Variants in COL21A1 observed in about 807,000 individuals in gnomAD.
The protein encoded by COL21A1 is collagen alpha-1(XXI) chain.
Under a neutral mutation model 137.9 loss-of-function variants are expected in COL21A1, and 149 were observed. That is an observed-to-expected ratio of 1.08 (90% CI 0.95 to 1.24). The LOEUF (loss-of-function observed/expected upper bound fraction) is 1.24, where lower values mean the gene tolerates loss of function less well. Among genes scored for constraint, COL21A1 ranks in the 50% most tolerant of loss-of-function variants. The pLI, the probability that COL21A1 is intolerant of heterozygous loss-of-function variation, is 0.00. For synonymous variants in COL21A1, 456 were observed against 391.5 expected, an observed-to-expected ratio of 1.16 and a Z score of -1.95; for missense variants, 1,167 against 1,158.4, an observed-to-expected ratio of 1.01 and a Z score of -0.11.
In COL21A1 at chr6:56,155,614, CATTTT is replaced by C. The variant is rs372226158; in HGVS notation, c.1434+1268_1434+1272del. 1.2e-3 allele frequency among the ~76,000 whole-genome samples: 188 copies of C among 152,234 alleles called. 3 individuals are homozygous for C. The highest frequency in any genetic ancestry group is 4.2e-3 in the African/African-American group (176 of 41,550). ...AAACATTCAAAAGCTAATTCCTTTT[CATTTT>C]ATTTTGAGACAGACTTTTGTGCTGT... On this transcript the variant is annotated intron_variant, in intron 10 of 29. Coordinates refer to ENST00000244728, the MANE Select transcript of COL21A1 (RefSeq NM_030820.4).
At chr6:56,365,859 A>G (rs1032540516) in intron 1 of COL21A1, among the ~76,000 whole-genome samples, 1 of 152,148 alleles carries the variant, frequency 6.6e-6, no homozygotes, top group African/African-American at 2.4e-5. Flanking sequence ...TCCTTTCACT[A>G]TAGCCCCTTA....
At chr6:56,314,390 CT>C (rs760602559) in intron 1 of COL21A1, among the ~76,000 whole-genome samples, 29 of 152,294 alleles carry the variant, frequency 1.9e-4, no homozygotes, top group African/African-American at 6.7e-4. Flanking sequence ...AGATGTCACA[CT>C]TTTTTTCTTG....
intron 3 of COL21A1, among the ~76,000 whole-genome samples, chr6:56,176,655 G>A (rs539976159): frequency 2.8e-4 from 42 of 151,082 alleles, no homozygotes; most frequent in Non-Finnish European, 4.4e-4. Flanking sequence ...GAGGAAGAAA[G>A]GAAGGAAGGA....
intron 1 of COL21A1, among the ~76,000 whole-genome samples, chr6:56,351,606 T>G (rs1164966411): frequency 6.6e-6 from 1 of 152,166 alleles, no homozygotes; most frequent in South Asian, 2.1e-4. Context: ...CACATGTGTA[T>G]AATGCACCCA....
At chr6:56,352,345 A>G (rs550888110) in intron 1 of COL21A1, among the ~76,000 whole-genome samples, 40 of 152,240 alleles carry the variant, frequency 2.6e-4, no homozygotes, top group African/African-American at 9.6e-4. Context: ...AGAAGAATGG[A>G]GAGTAAATCT....
At chr6:56,077,351 T>C (rs753399574) in intron 18 of COL21A1, among the ~76,000 whole-genome samples, 178 bp downstream of exon 18, 116 of 151,342 alleles carry the variant, frequency 7.7e-4, no homozygotes, top group Non-Finnish European at 1.2e-3. Context: ...ATATTATCTA[T>C]ATAAAACAAC....
chr6:56,251,595 G>A (rs1782856363), upstream of COL21A1, among the ~76,000 whole-genome samples: 1 of 152,116 alleles, frequency 6.6e-6, no homozygotes, highest in African/African-American at 2.4e-5. Flanking sequence ...GTGAAAAAAT[G>A]GGAAATATTT....
intron 1 of COL21A1, among the ~76,000 whole-genome samples, chr6:56,376,109 A>ACG (rs1562077602): frequency 8.5e-5 from 13 of 152,236 alleles, no homozygotes; most frequent in Non-Finnish European, 1.9e-4. Context: ...AAGAAGTGGG[A>ACG]TAAAACAAGT....
chr6:56,134,200 CA>C (rs1428646287), intron 12 of COL21A1, among the ~76,000 whole-genome samples: 1 of 152,190 alleles, frequency 6.6e-6, no homozygotes, highest in Non-Finnish European at 1.5e-5. Flanking sequence ...CAGAGCTGCC[CA>C]AGACCATGGG....
intron 1 of COL21A1, among the ~76,000 whole-genome samples, chr6:56,205,664 A>G (rs1414674400): frequency 6.6e-6 from 1 of 152,124 alleles, no homozygotes; most frequent in Non-Finnish European, 1.5e-5. Flanking sequence ...GAGAAGAGAA[A>G]CCCCAGGACA....
intron 1 of COL21A1, among the ~76,000 whole-genome samples, chr6:56,364,006 C>G (rs1450080743): frequency 2.0e-5 from 3 of 152,196 alleles, no homozygotes; most frequent in Non-Finnish European, 4.4e-5. Context: ...CTGACATAAT[C>G]AGCAAGCGTT....
chr6:56,276,542 T>G, intron 1 of COL21A1: 1 of 1,303,202 alleles, frequency 7.7e-7, no homozygotes, highest in South Asian at 1.2e-5. Flanking sequence ...ATTCTTCTTA[T>G]ATACTTCAAA....
intron 1 of COL21A1, among the ~76,000 whole-genome samples, chr6:56,357,361 T>G (rs73450950): frequency 0.12 from 18,663 of 152,082 alleles, 1,463 homozygotes; most frequent in African/African-American, 0.22. Context: ...TCCGTAAGAG[T>G]GTAGCTGCAT....
At chr6:56,160,575 T>C (rs1436594541) in intron 9 of COL21A1, among the ~76,000 whole-genome samples, 1 of 152,258 alleles carries the variant, frequency 6.6e-6, no homozygotes, top group African/African-American at 2.4e-5. Context: ...AAACTGTGAC[T>C]AAATTCCCAA....
intron 1 of COL21A1, among the ~76,000 whole-genome samples, chr6:56,292,804 T>C (rs1764083760): frequency 6.6e-6 from 1 of 152,224 alleles, no homozygotes; most frequent in South Asian, 2.1e-4. Flanking sequence ...GGAGGATCTC[T>C]AACTCAAGCT....
chr6:56,075,073 T>G (rs1767098336), intron 19 of COL21A1, among the ~76,000 whole-genome samples: 1 of 151,360 alleles, frequency 6.6e-6, no homozygotes, highest in Non-Finnish European at 1.5e-5. Flanking sequence ...TAATTTACTC[T>G]GTTTTAGGAG....
At chr6:56,221,825 C>T (rs116270816) in intron 1 of COL21A1, among the ~76,000 whole-genome samples, 1,851 of 152,232 alleles carry the variant, frequency 0.012, 31 homozygotes, top group African/African-American at 0.041. Flanking sequence ...CATGGTAATG[C>T]TTCTATTTCA....
rs149541603 is a variant in COL21A1 at position 56,080,197 on chromosome 6, A to G, written c.1813-2624T>C. Among the ~76,000 whole-genome samples the G allele has an allele frequency of 1.4e-4, 21 of 151,916 alleles. No individual in the cohort carries two copies. In the East Asian group the frequency reaches 4.1e-3, roughly 29 times the overall value. ...ATTTTATAGAGCAAATGTGTTTCCA[A>G]GGAGACTATTTTCTGTTTCGCTGTG... On this transcript the variant is annotated intron_variant, in intron 17 of 29. Coordinates refer to ENST00000244728, the MANE Select transcript of COL21A1 (RefSeq NM_030820.4).
intron 1 of COL21A1, among the ~76,000 whole-genome samples, chr6:56,220,636 T>C (rs1412180890): frequency 6.6e-6 from 1 of 151,950 alleles, no homozygotes; most frequent in Non-Finnish European, 1.5e-5. Flanking sequence ...CTTGAACTTA[T>C]CCGAGAAGAG....
Sources: allele counts gnomAD v4.1 joint callset (sites outside exome capture counted in the v4.1 genomes callset), GRCh38; gene constraint gnomAD v4.1.1; transcripts MANE v1.5; gene names NCBI Gene and HGNC (gene_info 2026-07-23, HGNC 2026-07-21).